The following TRMO variants were observed in gnomAD, a reference collection of about 807,000 sequenced individuals.
TRMO encodes the protein tRNA methyltransferase O, also known as tRNA (adenine(37)-N6)-methyltransferase.
A neutral mutation model predicts 37.2 loss-of-function variants in TRMO; 30 were observed. The observed-to-expected ratio is 0.81, with a 90% confidence interval of 0.60 to 1.09. TRMO has a LOEUF of 1.09. TRMO is among the 50% of genes least tolerant of loss of function. TRMO has a pLI of 0.00. For synonymous variants in TRMO, 239 were observed against 199.4 expected, an observed-to-expected ratio of 1.20 and a Z score of -1.67; for missense variants, 552 against 549.5, an observed-to-expected ratio of 1.00 and a Z score of -0.05.
chr9:97,915,396 T>C (rs919611201), intron 2 of TRMO, among the ~76,000 whole-genome samples: 7 of 152,244 alleles, frequency 4.6e-5, no homozygotes, highest in African/African-American at 9.6e-5. Context: ...TCTGCTGCTA[T>C]AGCACGAAAG....
At chr9:97,900,098 T>A (rs1182380669), downstream of TRMO, among the ~76,000 whole-genome samples, 2 of 152,080 alleles carry the variant, frequency 1.3e-5, no homozygotes, top group Non-Finnish European at 2.9e-5. Context: ...ATTCATACAT[T>A]GAATTTTAGG....
At chr9:97,917,175 G>A (rs1216091765) in intron 1 of TRMO, among the ~76,000 whole-genome samples, 3 of 152,196 alleles carry the variant, frequency 2.0e-5, no homozygotes, top group Admixed American at 2.0e-4. Flanking sequence ...AAGCTATTTT[G>A]ATTGGCTGGA....
chr9:97,898,746 A>T, the TRMO span, among the ~76,000 whole-genome samples: 1 of 151,248 alleles, frequency 6.6e-6, no homozygotes, highest in African/African-American at 2.4e-5. Context: ...GAGCTTTAAA[A>T]CTTATGACTT....
chr9:97,912,936 A>G, intron 3 of TRMO: 1 of 1,304,452 alleles, frequency 7.7e-7, no homozygotes, highest in South Asian at 1.2e-5. Context: ...CACAGTTGAC[A>G]TCAGCACTGC....
the TRMO span, among the ~76,000 whole-genome samples, chr9:97,898,094 C>T: frequency 6.6e-6 from 1 of 152,152 alleles, no homozygotes; most frequent in Non-Finnish European, 1.5e-5. Context: ...GTGGTGTAAG[C>T]TCATATGCCA....
At chr9:97,919,583 CACCAT>C (rs1826532209) in intron 1 of TRMO, among the ~76,000 whole-genome samples, 1 of 152,222 alleles carries the variant, frequency 6.6e-6, no homozygotes, top group Non-Finnish European at 1.5e-5. Context: ...GAGACTATCA[CACCAT>C]GCTTCAATAT....
downstream of TRMO, among the ~76,000 whole-genome samples, chr9:97,902,554 C>T (rs1167042685): frequency 6.6e-6 from 1 of 152,088 alleles, no homozygotes; most frequent in East Asian, 1.9e-4. Context: ...CACCCGCCTC[C>T]GCCTCCCAGA....
chr9:97,918,775 C>A (rs1321005506), intron 1 of TRMO, among the ~76,000 whole-genome samples: 1 of 152,152 alleles, frequency 6.6e-6, no homozygotes, highest in Non-Finnish European at 1.5e-5. Context: ...CACCACCCAT[C>A]CCAAAAACTA....
chr9:97,910,988 G>GCC (rs1564108543), intron 3 of TRMO: 1 of 478,592 alleles, frequency 2.1e-6, no homozygotes, highest in East Asian at 6.3e-5. Context: ...ACGCAGGCAG[G>GCC]CCCCTTAACA....
intron 3 of TRMO, 32 bp downstream of exon 3, chr9:97,913,368 GA>G (rs35584854): frequency 6.2e-7 from 1 of 1,612,336 alleles, no homozygotes; most frequent in Non-Finnish European, 8.5e-7. Flanking sequence ...TTTGGGTGAG[GA>G]AAAAGGTAAA....
the TRMO span, among the ~76,000 whole-genome samples, chr9:97,897,653 C>T: frequency 1.4e-4 from 21 of 152,210 alleles, no homozygotes; most frequent in African/African-American, 4.8e-4. Context: ...AAAGTCTATA[C>T]TAATATGAAG....
In TRMO at chr9:97,914,259, G is replaced by A. The variant is rs1454849961; in HGVS notation, c.252-701C>T. On this transcript the variant is annotated intron_variant, in intron 2 of 4. Coordinates refer to ENST00000375119, the MANE Select transcript of TRMO (RefSeq NM_016481.5). The stretch of plus-strand genomic sequence containing the variant: ...TGAATAAGTAATTCACAAAAAAATG[G>A]CAAGTAGCTAAGAACCATATGAAAA... Among the ~76,000 whole-genome samples, 4 of 152,074 alleles carry A rather than the reference G, an allele frequency of 2.6e-5. No individual in the cohort carries two copies. The East Asian group carries it at 7.7e-4, about 29-fold the overall frequency.
chr9:97,896,870 T>TAGGG, the TRMO span, among the ~76,000 whole-genome samples: 7 of 152,342 alleles, frequency 4.6e-5, no homozygotes, highest in East Asian at 1.3e-3. Context: ...GTTCTAGACA[T>TAGGG]TTTACTTTCC....
rs763803294 is a variant in TRMO, at chr9:97,904,880, C to T, written c.1179G>A (p.Gln393=). 2 of 1,614,202 alleles carry T rather than the reference C, an allele frequency of 1.2e-6. No homozygotes were observed. Among genetic ancestry groups the T allele is most frequent in the Admixed American group, 3.3e-5 (2 of 60,024 alleles). ...PRSVYRRKLC[Q]DRLFYFTVDI... The stretch of plus-strand genomic sequence containing the variant: ...CTACAGTAAAGTAGAAAAGGCGGTC[C>T]TGGCAAAGCTTCCGGCGGTACACAG... Residue 393 remains glutamine (Q), a synonymous_variant, in exon 5 of 5, where the codon CAG becomes CAA. Coordinates refer to ENST00000375119, the MANE Select transcript of TRMO (RefSeq NM_016481.5).
chr9:97,921,849 T>C (rs1826654512), intron 1 of TRMO, among the ~76,000 whole-genome samples: 1 of 152,206 alleles, frequency 6.6e-6, no homozygotes. Flanking sequence ...GCGTGGAAGG[T>C]AGACACCAAG....
chr9:97,906,252 A>G (rs1353384262), intron 4 of TRMO, among the ~76,000 whole-genome samples: 1 of 151,956 alleles, frequency 6.6e-6, no homozygotes, highest in East Asian at 1.9e-4. Context: ...AAATGAGGAG[A>G]GCTCATCACA....
At chr9:97,899,273 C>T in the TRMO span, among the ~76,000 whole-genome samples, 6 of 151,726 alleles carry the variant, frequency 4.0e-5, no homozygotes, top group Admixed American at 6.6e-5. Context: ...AGGTGGTTCA[C>T]GGTACTGCAC....
chr9:97,908,928 A>G (rs1307270017), intron 4 of TRMO, among the ~76,000 whole-genome samples: 2 of 152,178 alleles, frequency 1.3e-5, no homozygotes, highest in African/African-American at 2.4e-5. Context: ...CACAAAGAAC[A>G]GCTTTTTGCA....
chr9:97,910,901 G>A (rs1464310971), intron 3 of TRMO: 2 of 565,524 alleles, frequency 3.5e-6, no homozygotes, highest in African/African-American at 1.9e-5. Flanking sequence ...TCCCCATAGA[G>A]AAGCCTGTGC....
Sources: allele counts gnomAD v4.1 joint callset (sites outside exome capture counted in the v4.1 genomes callset), GRCh38; gene constraint gnomAD v4.1.1; transcripts MANE v1.5; gene names NCBI Gene and HGNC (gene_info 2026-07-23, HGNC 2026-07-21).